Variants in MYO1D observed in about 807,000 individuals in gnomAD.
MYO1D encodes myosin ID.
Under a neutral mutation model 122.0 loss-of-function variants are expected in MYO1D, and 83 were observed. The observed-to-expected ratio is 0.68, with a 90% CI of 0.57 to 0.82. The LOEUF is 0.82. Among genes scored for constraint, MYO1D ranks in the 40% least tolerant of loss-of-function variants. MYO1D has a pLI of 0.00. For synonymous variants in MYO1D, 464 were observed against 446.9 expected (o/e 1.04, Z -0.48); for missense variants, 1,157 against 1,269.5 (o/e 0.91, Z 1.35).
intron 16 of MYO1D, among the ~76,000 whole-genome samples, chr17:32,693,299 A>G (rs58282253): frequency 0.028 from 4,206 of 151,946 alleles, 135 homozygotes; most frequent in East Asian, 0.19. Flanking sequence ...TAGGGGCCAG[A>G]AAATGTTGTC....
intron 16 of MYO1D, among the ~76,000 whole-genome samples, chr17:32,703,911 T>C (rs1445299188): frequency 6.6e-6 from 1 of 152,130 alleles, no homozygotes; most frequent in Non-Finnish European, 1.5e-5. Context: ...ACATAGAAGA[T>C]GAATGATAAA....
intron 14 of MYO1D, among the ~76,000 whole-genome samples, chr17:32,726,236 T>C (rs1436799028): frequency 1.3e-5 from 2 of 152,046 alleles, no homozygotes; most frequent in African/African-American, 2.4e-5. Flanking sequence ...CTGGCCAACA[T>C]GGTGAAACCC....
rs560953120 is a variant in MYO1D, at chr17:32,864,007, C to CTTTT, written c.95+12767_95+12770dup. 1.6e-3 allele frequency among the ~76,000 whole-genome samples: 80 copies of CTTTT among 48,934 alleles called. 16 individuals carry two copies. The highest frequency in any genetic ancestry group is 5.3e-3 in the East Asian group (4 of 752). The allele number at this position is 48,934 out of a possible 152,430, so 32.1% of individuals were successfully genotyped here. The stretch of plus-strand genomic sequence containing the variant: ...TAATTTTGGTTACAAACATTTCTTC[C>CTTTT]TTTTTTTTTTTTTTTTTTTTTTTTT... On this transcript the variant is annotated intron_variant, in intron 1 of 21. Transcript: ENST00000318217.
intron 21 of MYO1D, among the ~76,000 whole-genome samples, chr17:32,584,664 T>C (rs2087370809): frequency 6.6e-6 from 1 of 152,080 alleles, no homozygotes; most frequent in South Asian, 2.1e-4. Flanking sequence ...TGCTAATTTT[T>C]AAATTTTTTT....
At chr17:32,582,273 C>A (rs77417504) in intron 21 of MYO1D, among the ~76,000 whole-genome samples, 1 of 152,118 alleles carries the variant, frequency 6.6e-6, no homozygotes, top group African/African-American at 2.4e-5. Context: ...TTAAAATCTA[C>A]GCATTTTAAA....
intron 21 of MYO1D, among the ~76,000 whole-genome samples, chr17:32,545,434 T>C (rs1030269517): frequency 5.3e-5 from 8 of 152,212 alleles, no homozygotes; most frequent in Admixed American, 3.9e-4. Flanking sequence ...GTCCCCATTA[T>C]TAGATCGTAA....
chr17:32,807,203 GACTAT>G (rs2090522268), intron 1 of MYO1D, among the ~76,000 whole-genome samples: 1 of 152,018 alleles, frequency 6.6e-6, no homozygotes, highest in East Asian at 1.9e-4. Context: ...AAAAGGTAAA[GACTAT>G]ACTATAGTGT....
At chr17:32,514,879 G>A (rs1909835772) in intron 21 of MYO1D, among the ~76,000 whole-genome samples, 1 of 152,184 alleles carries the variant, frequency 6.6e-6, no homozygotes, top group Non-Finnish European at 1.5e-5. Context: ...AGACAATGGA[G>A]GCATAGTGGG....
chr17:32,698,831 T>C (rs1285815980), intron 16 of MYO1D, among the ~76,000 whole-genome samples: 2 of 152,090 alleles, frequency 1.3e-5, no homozygotes, highest in Non-Finnish European at 2.9e-5. Context: ...GCTAAAGCCA[T>C]AATATAATCC....
At chr17:32,687,195 A>ATTT (rs371967017) in intron 16 of MYO1D, among the ~76,000 whole-genome samples, 1 of 131,928 alleles carries the variant, frequency 7.6e-6, no homozygotes. Flanking sequence ...TGCCTGGCTA[A>ATTT]TTTTTTTTTT....
rs75666860 is a variant in MYO1D, at chr17:32,663,282, A to G, written c.2122-3944T>C. Among the ~76,000 whole-genome samples the G allele has an allele frequency of 4.1e-3, 625 of 152,250 alleles. 18 individuals carry two copies. The highest frequency in any genetic ancestry group is 0.027 in the Admixed American group (413 of 15,288). The stretch of plus-strand genomic sequence containing the variant: ...CTCCGTCACTTGTCAGTGTGACCTG[A>G]AAACTGTTTAGTAAATGTTAAGTCA... On this transcript the variant is annotated intron_variant, in intron 16 of 21. Coordinates refer to ENST00000318217, the MANE Select transcript of MYO1D (RefSeq NM_015194.3).
chr17:32,528,374 C>CT (rs1567878331), intron 21 of MYO1D, among the ~76,000 whole-genome samples: 2 of 152,124 alleles, frequency 1.3e-5, no homozygotes, highest in Admixed American at 1.3e-4. Flanking sequence ...AGCTGGGAAG[C>CT]TGGCTCCTCA....
At chr17:32,596,198 T>C (rs1207058070) in intron 21 of MYO1D, among the ~76,000 whole-genome samples, 1 of 152,214 alleles carries the variant, frequency 6.6e-6, no homozygotes, top group African/African-American at 2.4e-5. Context: ...GCAATCGACA[T>C]GGCATACCTT....
intron 20 of MYO1D, among the ~76,000 whole-genome samples, chr17:32,638,097 A>G (rs1320656485): frequency 6.6e-6 from 1 of 152,232 alleles, no homozygotes; most frequent in African/African-American, 2.4e-5. Context: ...CCGAAGAATC[A>G]GAATAAACAG....
intron 1 of MYO1D, among the ~76,000 whole-genome samples, chr17:32,869,851 T>C (rs1169330945): frequency 6.6e-6 from 1 of 151,992 alleles, no homozygotes; most frequent in African/African-American, 2.4e-5. Context: ...GAGGGTTGCT[T>C]GAGCTGGGGA....
intron 21 of MYO1D, among the ~76,000 whole-genome samples, chr17:32,554,016 A>T (rs2087046137): frequency 6.6e-6 from 1 of 151,986 alleles, no homozygotes; most frequent in Non-Finnish European, 1.5e-5. Flanking sequence ...CATAGTTGTT[A>T]TGGTCTAGGC....
At chr17:32,765,121 T>C (rs1232297666) in intron 7 of MYO1D, 40 bp from the exon 8 acceptor site, 2 of 1,488,082 alleles carry the variant, frequency 1.3e-6, no homozygotes, top group South Asian at 2.3e-5. Context: ...TATGAAACAT[T>C]ATGTCAAGGA....
intron 21 of MYO1D, among the ~76,000 whole-genome samples, chr17:32,570,314 T>C (rs924106450): frequency 6.6e-6 from 1 of 152,164 alleles, no homozygotes; most frequent in East Asian, 1.9e-4. Flanking sequence ...GGGTACAGGA[T>C]AGTTTCCTCC....
At position 32,731,514 on chromosome 17, in the gene MYO1D, C is replaced by T. The variant is rs150017897; in HGVS notation, c.1746+6739G>A. ...AACCTGCTGTTTGTTGTTTAGTTTG[C>T]CTTTTACTTATAGTATCTTGTAGTG... On this transcript the variant is annotated intron_variant, in intron 14 of 21. Transcript: ENST00000318217. Among the ~76,000 whole-genome samples, 426 of 152,222 alleles carry T rather than the reference C, an allele frequency of 2.8e-3. 2 individuals are homozygous for T. Among genetic ancestry groups the T allele is most frequent in the African/African-American group, 1.0e-2 (415 of 41,530 alleles).
Sources: allele counts gnomAD v4.1 joint callset (sites outside exome capture counted in the v4.1 genomes callset), GRCh38; gene constraint gnomAD v4.1.1; transcripts MANE v1.5; gene names NCBI Gene and HGNC (gene_info 2026-07-23, HGNC 2026-07-21).